RPS6KA2: variants seen among roughly 807,000 people sequenced by gnomAD.
RPS6KA2 encodes the protein ribosomal protein S6 kinase alpha-2.
A neutral mutation model predicts 91.8 loss-of-function variants in RPS6KA2; 42 were observed. The ratio of observed to expected loss-of-function variants is 0.46; its 90% CI spans 0.36 to 0.59. The LOEUF (loss-of-function observed/expected upper bound fraction) is 0.59, where lower values mean the gene tolerates loss of function less well. RPS6KA2 is among the 20% of genes least tolerant of loss of function. The probability of loss-of-function intolerance (pLI) is 0.00; values close to 1 mark genes in which losing one functional copy is unlikely to be tolerated. For synonymous variants in RPS6KA2, 414 were observed against 393.6 expected (o/e 1.05, Z -0.61); for missense variants, 798 against 978.5 (o/e 0.82, Z 2.46).
Position 166,488,925 on chromosome 6 carries a change from A to G in RPS6KA2, c.819-4T>C. The G allele has an allele frequency of 6.2e-7, 1 of 1,611,244 alleles. No individual in the cohort carries two copies. The highest frequency in any genetic ancestry group is 8.5e-7 in the Non-Finnish European group (1 of 1,178,104). On this transcript the variant is annotated splice_polypyrimidine_tract_variant and splice_region_variant and intron_variant, in intron 9 of 20. Coordinates refer to ENST00000265678, the MANE Select transcript of RPS6KA2 (RefSeq NM_021135.6). ...CTGCGGCATCCCCAGCTTGGCTCTG[A>G]AAAACAAGATCCTATTTTAGGATCT...
chr6:166,843,858 G>A (rs1780546739), intron 2 of RPS6KA2, among the ~76,000 whole-genome samples: 1 of 151,974 alleles, frequency 6.6e-6, no homozygotes, highest in East Asian at 1.9e-4. Flanking sequence ...GACAAAACAA[G>A]GTTCTTTAAC....
intron 1 of RPS6KA2, among the ~76,000 whole-genome samples, chr6:166,605,079 T>A (rs1232807319): frequency 6.6e-6 from 1 of 152,214 alleles, no homozygotes; most frequent in African/African-American, 2.4e-5. Flanking sequence ...TCACTGGGAA[T>A]ATCCCTCTTG....
intron 2 of RPS6KA2, among the ~76,000 whole-genome samples, chr6:166,750,023 G>C (rs1033836786): frequency 6.6e-6 from 1 of 152,148 alleles, no homozygotes; most frequent in Middle Eastern, 3.4e-3. Context: ...AGTCCAGCCC[G>C]GCTTGAGTCA....
intron 2 of RPS6KA2, among the ~76,000 whole-genome samples, chr6:166,678,797 C>T (rs1583011436): frequency 6.6e-6 from 1 of 152,350 alleles, no homozygotes; most frequent in East Asian, 1.9e-4. Flanking sequence ...CGCATTTCTG[C>T]TGCGCCTTGA....
chr6:166,800,521 C>A (rs558017852), intron 2 of RPS6KA2, among the ~76,000 whole-genome samples: 1 of 152,166 alleles, frequency 6.6e-6, no homozygotes. Context: ...TACAAAAGGC[C>A]CTTCCACCTC....
chr6:166,445,943 C>G lies in RPS6KA2; in HGVS notation c.1332+2781G>C, dbSNP rs753770220. The stretch of plus-strand genomic sequence containing the variant: ...CTTAGTTCTGGGTCATGTTAGAAGT[C>G]ACCGAACTTTGCTGTTTCTTAGTCC... On this transcript the variant is annotated intron_variant, in intron 14 of 20. Coordinates refer to ENST00000265678, the MANE Select transcript of RPS6KA2 (RefSeq NM_021135.6). This position sits in a 1 kb window ranked among gnomAD's most constrained non-coding sequence, Gnocchi z 4.5. 9.9e-5 allele frequency among the ~76,000 whole-genome samples: 15 copies of G among 152,224 alleles called. No homozygotes were observed. The highest frequency in any genetic ancestry group is 1.6e-4 in the Non-Finnish European group (11 of 68,042).
chr6:166,451,321 G>T, intron 12 of RPS6KA2, 88 bp from the exon 13 acceptor site: 1 of 1,472,174 alleles, frequency 6.8e-7, no homozygotes, highest in Non-Finnish European at 9.3e-7. Context: ...TGTGGTATGT[G>T]TGTGCAAGTC....
At chr6:166,845,913 A>C (rs189616933) in intron 2 of RPS6KA2, among the ~76,000 whole-genome samples, 124 of 152,282 alleles carry the variant, frequency 8.1e-4, no homozygotes, top group African/African-American at 2.8e-3. Flanking sequence ...AATTAAATGA[A>C]ACAAAAAGCT....
chr6:166,753,151 G>T (rs1777900103), intron 2 of RPS6KA2, among the ~76,000 whole-genome samples: 1 of 152,198 alleles, frequency 6.6e-6, no homozygotes, highest in Non-Finnish European at 1.5e-5. Context: ...ACTTAAGCCA[G>T]ATGTAGGGCT....
chr6:166,644,844 T>A (rs1235239631), intron 2 of RPS6KA2, among the ~76,000 whole-genome samples: 1 of 152,174 alleles, frequency 6.6e-6, no homozygotes, highest in Non-Finnish European at 1.5e-5. Context: ...TGGCTCTAAA[T>A]CCAATATGAC....
chr6:166,693,968 G>A (rs899028277), intron 2 of RPS6KA2, among the ~76,000 whole-genome samples: 1 of 152,112 alleles, frequency 6.6e-6, no homozygotes, highest in African/African-American at 2.4e-5. Flanking sequence ...CTCCCTTAAC[G>A]ATAGTTCTCG....
At chr6:166,827,256 C>CAAAAAAAAAA (rs56296433) in intron 2 of RPS6KA2, among the ~76,000 whole-genome samples, 5 of 94,476 alleles carry the variant, frequency 5.3e-5, no homozygotes, top group Non-Finnish European at 6.1e-5. Flanking sequence ...CAACCTTATA[C>CAAAAAAAAAA]AAAAAAAAAA....
chr6:166,733,089 C>A lies in RPS6KA2; in HGVS notation c.123+125111G>T, dbSNP rs934781655. ...CGAGCCTAAGGGTGAGATGCTCTGC[C>A]CCCTGTGGATCGAGCCTACCCTGTA... On this transcript the variant is annotated intron_variant, in intron 2 of 21. Coordinates refer to the RPS6KA2 transcript ENST00000503859. This position sits in a 1 kb window ranked among gnomAD's most constrained non-coding sequence, Gnocchi z 4.1. Among the ~76,000 whole-genome samples, 4 of 152,100 alleles carry A rather than the reference C, an allele frequency of 2.6e-5. No homozygotes were observed. The highest frequency in any genetic ancestry group is 5.9e-5 in the Non-Finnish European group (4 of 68,014).
At chr6:166,462,525 T>C (rs1583166449) in intron 11 of RPS6KA2, among the ~76,000 whole-genome samples, 1 of 152,162 alleles carries the variant, frequency 6.6e-6, no homozygotes, top group East Asian at 1.9e-4. Flanking sequence ...TAATACTAAG[T>C]ATCTGCTGCT....
intron 11 of RPS6KA2, among the ~76,000 whole-genome samples, chr6:166,460,511 C>T (rs1187373136): frequency 6.6e-6 from 1 of 152,040 alleles, no homozygotes; most frequent in Non-Finnish European, 1.5e-5. Context: ...GGAGGGAGGA[C>T]TGGGGCCTGA....
At position 166,433,248 on chromosome 6, in the gene RPS6KA2, G is replaced by A. The variant is rs542494304; in HGVS notation, c.1333-758C>T. On this transcript the variant is annotated intron_variant, in intron 14 of 20. Coordinates refer to ENST00000265678, the MANE Select transcript of RPS6KA2 (RefSeq NM_021135.6). This position sits in a 1 kb window ranked among gnomAD's most constrained non-coding sequence, Gnocchi z 4.4. ...CACCAAGAGATGCTGGGGATGGTGC[G>A]CAGGCCAGACCTGCCTTGCTGTTTA... is the stretch of plus-strand genomic sequence containing the variant. 7.2e-5 allele frequency among the ~76,000 whole-genome samples: 11 copies of A among 152,274 alleles called. No individual in the cohort carries two copies. In the South Asian group the frequency reaches 2.3e-3, roughly 32 times the overall value.
At position 166,767,039 on chromosome 6, in the gene RPS6KA2, C is replaced by T. The variant is rs916099384; in HGVS notation, c.123+91161G>A. On this transcript the variant is annotated intron_variant, in intron 2 of 21. Coordinates refer to the RPS6KA2 transcript ENST00000503859. This position sits in a 1 kb window ranked among gnomAD's most constrained non-coding sequence, Gnocchi z 4.6. ...CACCCAGAAGTCTGCACCAACTCAC[C>T]GCCACGAGAGTGAATGAAGGTCCCT... 1.3e-5 allele frequency among the ~76,000 whole-genome samples: 2 copies of T among 152,206 alleles called. No individual in the cohort carries two copies. Among genetic ancestry groups the T allele is most frequent in the Admixed American group, 6.5e-5 (1 of 15,290 alleles).
chr6:166,671,175 T>TG (rs1788462516), intron 2 of RPS6KA2, among the ~76,000 whole-genome samples: 1 of 152,172 alleles, frequency 6.6e-6, no homozygotes, highest in Admixed American at 6.5e-5. Flanking sequence ...GCAGAGTAAA[T>TG]GGTCATTTTT....
intron 10 of RPS6KA2, among the ~76,000 whole-genome samples, chr6:166,487,555 G>A (rs1583196898): frequency 6.6e-6 from 1 of 152,268 alleles, no homozygotes; most frequent in East Asian, 1.9e-4. Flanking sequence ...CTTACACAGA[G>A]GAGAACTGCC....
Sources: allele counts gnomAD v4.1 joint callset (sites outside exome capture counted in the v4.1 genomes callset), GRCh38; gene constraint gnomAD v4.1.1; non-coding constraint Gnocchi (gnomAD v3.1); transcripts MANE v1.5; gene names NCBI Gene and HGNC (gene_info 2026-07-23, HGNC 2026-07-21).